Variants in RASA1 observed in about 807,000 individuals in gnomAD.
RASA1 encodes the protein ras GTPase-activating protein 1.
In RASA1, 25 loss-of-function variants were observed where a neutral mutation model predicts 132.2. The observed-to-expected ratio is 0.19, with a 90% CI of 0.14 to 0.26. RASA1 has a LOEUF of 0.26. Among genes scored for constraint, RASA1 ranks in the 10% least tolerant of loss-of-function variants. RASA1 has a pLI of 1.00. For synonymous variants in RASA1, 477 were observed against 449.9 expected, an observed-to-expected ratio of 1.06 and a Z score of -0.76; for missense variants, 964 against 1,299.2, an observed-to-expected ratio of 0.74 and a Z score of 3.97.
intron 6 of RASA1, among the ~76,000 whole-genome samples, chr5:87,344,318 A>T (rs1474887687): frequency 6.6e-6 from 1 of 152,130 alleles, no homozygotes; most frequent in Admixed American, 6.6e-5. Flanking sequence ...TAAACAAAAT[A>T]GTTGTATACA....
chr5:87,294,775 A>G (rs925770576), intron 1 of RASA1, among the ~76,000 whole-genome samples: 6 of 152,214 alleles, frequency 3.9e-5, no homozygotes, highest in African/African-American at 1.2e-4. Context: ...AATGTGGTCT[A>G]TGTTGGTAAA....
At chr5:87,373,168 G>C (rs890101246) in intron 13 of RASA1, among the ~76,000 whole-genome samples, 1 of 152,156 alleles carries the variant, frequency 6.6e-6, no homozygotes, top group African/African-American at 2.4e-5. Context: ...TCAGTGGGCA[G>C]TGTGATTTAG....
chr5:87,330,114 A>G (rs59593566), intron 1 of RASA1, among the ~76,000 whole-genome samples: 196 of 152,236 alleles, frequency 1.3e-3, no homozygotes, highest in African/African-American at 4.5e-3. Context: ...AAATAAGTTC[A>G]TTATTTTCAG....
chr5:87,371,956 TTTA>T (rs1201746095), intron 12 of RASA1, among the ~76,000 whole-genome samples, 159 bp from the exon 13 acceptor site: 4 of 151,798 alleles, frequency 2.6e-5, no homozygotes, highest in Non-Finnish European at 4.4e-5. Flanking sequence ...TTATTGTTAT[TTTA>T]TTATTGGTTA....
chr5:87,288,847 A>G (rs1333766608), intron 1 of RASA1, among the ~76,000 whole-genome samples: 1 of 152,150 alleles, frequency 6.6e-6, no homozygotes. Context: ...TTATACACAC[A>G]TGTATATATT....
At chr5:87,322,367 T>C (rs1444073696) in intron 1 of RASA1, among the ~76,000 whole-genome samples, 1 of 152,144 alleles carries the variant, frequency 6.6e-6, no homozygotes, top group African/African-American at 2.4e-5. Flanking sequence ...GTGAGGGATA[T>C]AGGTTGTGTG....
intron 1 of RASA1, among the ~76,000 whole-genome samples, chr5:87,286,211 A>G (rs1754555919): frequency 2.0e-5 from 3 of 152,048 alleles, no homozygotes; most frequent in Admixed American, 6.6e-5. Context: ...ACATGTTGGC[A>G]AGGCTGGTCT....
rs774384632 is a variant in RASA1 at position 87,380,602 on chromosome 5, CTCA to C, written c.2690+11_2690+13del. On this transcript the variant is annotated splice_region_variant and intron_variant, in intron 20 of 24. Coordinates refer to ENST00000274376, the MANE Select transcript of RASA1 (RefSeq NM_002890.3). ...TGAGAACAAGAGTTGTTAGGTAAGG[CTCA>C]TCAATTGATTTGTTAAATCACATAC... 6.2e-7 allele frequency: 1 copy of C among 1,601,522 alleles called. No individual in the cohort carries two copies. The highest frequency in any genetic ancestry group is 8.6e-7 in the Non-Finnish European group (1 of 1,168,848).
intron 9 of RASA1, among the ~76,000 whole-genome samples, chr5:87,358,670 T>C (rs559163855): frequency 1.3e-5 from 2 of 152,318 alleles, no homozygotes; most frequent in South Asian, 4.1e-4. Flanking sequence ...GTTCTCCATT[T>C]CTTTCAGAAT....
intron 1 of RASA1, chr5:87,269,318 C>CTA (rs757204920): frequency 4.0e-4 from 621 of 1,534,872 alleles, no homozygotes; most frequent in East Asian, 3.3e-3. Flanking sequence ...CAAACTGCGG[C>CTA]TACCAAGGCA....
At chr5:87,354,783 AGTT>A (rs1759529113) in intron 9 of RASA1, among the ~76,000 whole-genome samples, 1 of 152,230 alleles carries the variant, frequency 6.6e-6, no homozygotes, top group Non-Finnish European at 1.5e-5. Flanking sequence ...GCAAAGGAAG[AGTT>A]GTTGAAGGAA....
intron 8 of RASA1, 46 bp from the exon 9 acceptor site, chr5:87,353,111 G>T: frequency 7.0e-7 from 1 of 1,436,590 alleles, no homozygotes; most frequent in Non-Finnish European, 9.8e-7. Flanking sequence ...TAAAGATTTT[G>T]CAGTTTTATG....
intron 1 of RASA1, among the ~76,000 whole-genome samples, chr5:87,300,178 C>T (rs1299397398): frequency 1.3e-5 from 2 of 151,876 alleles, no homozygotes; most frequent in Non-Finnish European, 2.9e-5. Context: ...GAGACCAAAC[C>T]GAGCAACATA....
Position 87,278,537 on chromosome 5 carries a change from C to T in RASA1, c.539+9547C>T, listed in dbSNP as rs539844037. 5.3e-5 allele frequency among the ~76,000 whole-genome samples: 8 copies of T among 151,868 alleles called. No homozygotes were observed. The East Asian group carries it at 1.6e-3, about 29-fold the overall frequency. On this transcript the variant is annotated intron_variant, in intron 1 of 24. Transcript: ENST00000274376. ...CTCCAGCCTGGGCGACAGAGCGAGACTCTGTCTCAAAAAAAAAGAAAAGAA... is the reference window on the plus strand; with the variant it reads ...CTCCAGCCTGGGCGACAGAGCGAGATTCTGTCTCAAAAAAAAAGAAAAGAA...
chr5:87,377,314 G>C, intron 17 of RASA1: 1 of 454,150 alleles, frequency 2.2e-6, no homozygotes, highest in Non-Finnish European at 4.0e-6. Context: ...TGACTGTTTG[G>C]CATATTTATC....
Position 87,276,405 on chromosome 5 carries a change from A to T in RASA1, c.539+7415A>T, listed in dbSNP as rs551848899. Among the ~76,000 whole-genome samples the T allele has an allele frequency of 1.7e-4, 26 of 152,324 alleles. No homozygotes were observed. In the South Asian group the frequency reaches 4.8e-3, roughly 28 times the overall value. ...GTTAAAAATTGTTGTTATTAGATAC[A>T]ACTTATTGATAACTATGTATGTCTT... On this transcript the variant is annotated intron_variant, in intron 1 of 24. Transcript: ENST00000274376.
At chr5:87,344,158 A>T (rs1316949041) in intron 6 of RASA1, among the ~76,000 whole-genome samples, 1 of 152,172 alleles carries the variant, frequency 6.6e-6, no homozygotes, top group East Asian at 1.9e-4. Context: ...TTTACTGGAT[A>T]TTTAAAAATA....
intron 17 of RASA1, 31 bp downstream of exon 17, chr5:87,377,071 GAAAC>G: frequency 6.3e-7 from 1 of 1,595,814 alleles, no homozygotes; most frequent in East Asian, 2.2e-5. Context: ...TGTGATACAA[GAAAC>G]TGGGTTTAGA....
intron 9 of RASA1, among the ~76,000 whole-genome samples, chr5:87,361,906 G>C (rs1355153159): frequency 1.3e-5 from 2 of 152,028 alleles, no homozygotes; most frequent in Non-Finnish European, 2.9e-5. Flanking sequence ...TGAAAAAAGA[G>C]GTACATTACA....
Sources: allele counts gnomAD v4.1 joint callset (sites outside exome capture counted in the v4.1 genomes callset), GRCh38; gene constraint gnomAD v4.1.1; transcripts MANE v1.5; gene names NCBI Gene and HGNC (gene_info 2026-07-23, HGNC 2026-07-21).